Variants in ARHGAP4 observed in about 807,000 individuals in gnomAD.
The protein encoded by ARHGAP4 is Rho GTPase activating protein 4.
Under a neutral mutation model 67.6 loss-of-function variants are expected in ARHGAP4, and 25 were observed. That is an observed-to-expected ratio of 0.37 (90% CI 0.27 to 0.52). The LOEUF is 0.52. Ranked by LOEUF, ARHGAP4 falls within the 20% of genes least tolerant of loss-of-function variation. ARHGAP4 has a pLI of 0.92. For missense variants in ARHGAP4, 804 were observed against 854.6 expected (o/e 0.94, Z 0.74); for synonymous variants, 448 against 373.7 (o/e 1.20, Z -2.29).
At chrX:153,909,991 C>T (rs781831109) in intron 18 of ARHGAP4, 21 bp downstream of exon 18, 6 of 1,210,663 alleles carry the variant, frequency 5.0e-6, no homozygotes, top group East Asian at 3.0e-5. Context: ...CAGGGTGGGG[C>T]TCTCTGCCCA....
chrX:153,909,479 C>G lies in ARHGAP4; in HGVS notation c.2471G>C (p.Ser824Thr), dbSNP rs1557102170. 8.3e-7 allele frequency: 1 copy of G among 1,208,229 alleles called. No individual in the cohort carries two copies. The highest frequency in any genetic ancestry group is 1.7e-5 in the African/African-American group (1 of 57,490). The change falls in exon 20 of 22, where the codon AGT becomes ACT. Residue 824 changes from serine to threonine, a missense_variant. By Grantham distance (58) the Ser-to-Thr change is moderately conservative (BLOSUM62 1). Around this residue, in one of 2 missense-constraint regions of ARHGAP4, gnomAD observed 400 missense variants for 348.7 expected, o/e 1.15. Coordinates refer to ENST00000350060, the MANE Select transcript of ARHGAP4 (RefSeq NM_001666.5). The stretch of plus-strand genomic sequence containing the variant: ...CTCCGATGCCAGGAGGCCCTCGGGA[C>G]TGCTCCCAGACTCCCCTGCAGTCTG... The part of the protein sequence containing the change: ...GLQTAGESGS[S>T]PEGLLASELV...
intron 1 of ARHGAP4, among the ~76,000 whole-genome samples, chrX:153,925,715 G>A (rs1284850391): frequency 7.1e-5 from 8 of 111,902 alleles, no homozygotes; most frequent in Admixed American, 5.7e-4. Flanking sequence ...TGGGGTTACG[G>A]CCAGGTGATC....
At position 153,910,232 on chromosome X, in the gene ARHGAP4, T is replaced by G; in HGVS notation, c.2095A>C (p.Thr699Pro). 8.3e-7 allele frequency: 1 copy of G among 1,210,447 alleles called. No individual in the cohort carries two copies. The highest frequency in any genetic ancestry group is 1.1e-6 in the Non-Finnish European group (1 of 895,233). ...VQPDRVFPPL[T>P]SLPGPVYEKC... ...TCGTAGACGGGGCCAGGCAGCGAGGTCAGGGGCGGGAAGACCCGATCGGGC... is the reference window on the plus strand; with the variant it reads ...TCGTAGACGGGGCCAGGCAGCGAGGGCAGGGGCGGGAAGACCCGATCGGGC... The change falls in exon 17 of 22, where the codon ACC (threonine) becomes CCC (proline). Residue 699 changes from threonine (T) to proline (P), a missense_variant. Physicochemically the swap from Thr to Pro is conservative, Grantham distance 38 (BLOSUM62 -1). Around this residue, in one of 2 missense-constraint regions of ARHGAP4, gnomAD observed 400 missense variants for 348.7 expected, o/e 1.15. Coordinates refer to ENST00000350060, the MANE Select transcript of ARHGAP4 (RefSeq NM_001666.5).
At chrX:153,912,382 C>T (rs1208612907) in intron 12 of ARHGAP4, among the ~76,000 whole-genome samples, 1 of 111,738 alleles carries the variant, frequency 8.9e-6, no homozygotes, top group Non-Finnish European at 1.9e-5. Flanking sequence ...CCCCTTATTT[C>T]ACTGTCCAGG....
At chrX:153,922,907 C>T (rs1350121136) in intron 1 of ARHGAP4, among the ~76,000 whole-genome samples, 2 of 107,278 alleles carry the variant, frequency 1.9e-5, no homozygotes, top group African/African-American at 6.7e-5. Context: ...GTGATGGGTG[C>T]GGAGAAGATG....
Position 153,913,065 on chromosome X carries a change from G to T in ARHGAP4, c.1412-14C>A. On this transcript the variant is annotated splice_polypyrimidine_tract_variant and intron_variant, in intron 10 of 21. Coordinates refer to ENST00000350060, the MANE Select transcript of ARHGAP4 (RefSeq NM_001666.5). Reference sequence around the variant, plus strand: ...CCTCCTTGTCACCTGTGGGGTGGGAGAACATTGGTCTGCCTCTCGGGCCAG... The same window carrying T: ...CCTCCTTGTCACCTGTGGGGTGGGATAACATTGGTCTGCCTCTCGGGCCAG... 1 of 1,189,130 alleles carries T rather than the reference G, an allele frequency of 8.4e-7. No homozygotes were observed. Among genetic ancestry groups the T allele is most frequent in the Non-Finnish European group, 1.1e-6 (1 of 883,560 alleles).
chrX:153,917,238 A>G (rs2065061693), intron 7 of ARHGAP4, among the ~76,000 whole-genome samples: 1 of 108,962 alleles, frequency 9.2e-6, no homozygotes, highest in South Asian at 4.0e-4. Context: ...AATAAAATAA[A>G]TTAAATTTAA....
rs1280162411 is a variant in ARHGAP4 at position 153,910,166 on chromosome X, T to C, written c.2156+5A>G. On this transcript the variant is annotated splice_donor_5th_base_variant and intron_variant, in intron 17 of 21. Transcript: ENST00000350060. Reference sequence around the variant, plus strand: ...CCAGTCCCCTCGGCAGCACCAAGGGTGTACCCCAGGCAGCTGGCGGAAGGC... The same window carrying C: ...CCAGTCCCCTCGGCAGCACCAAGGGCGTACCCCAGGCAGCTGGCGGAAGGC... The C allele has an allele frequency of 6.6e-6, 8 of 1,209,939 alleles. No homozygotes were observed. Among genetic ancestry groups the C allele is most frequent in the Non-Finnish European group, 8.9e-6 (8 of 894,851 alleles).
chrX:153,909,193 G>A (rs782252861), intron 20 of ARHGAP4, 24 bp from the exon 21 acceptor site: 60 of 1,168,971 alleles, frequency 5.1e-5, no homozygotes, highest in Non-Finnish European at 6.7e-5. Context: ...AGGGAGCCTG[G>A]TGGGGGCCCT....
At chrX:153,909,256 CAAGGA>C in intron 20 of ARHGAP4, 87 bp from the exon 21 acceptor site, 2 of 964,215 alleles carry the variant, frequency 2.1e-6, no homozygotes, top group East Asian at 3.3e-5. Context: ...GGGGTGTGGC[CAAGGA>C]AAGGAGGCTG....
chrX:153,925,389 TG>T (rs782734907), intron 1 of ARHGAP4, among the ~76,000 whole-genome samples: 1 of 112,017 alleles, frequency 8.9e-6, no homozygotes, highest in Admixed American at 9.5e-5. Context: ...ATTGGTAAAA[TG>T]GAGTGATTGA....
At chrX:153,920,499 C>A in intron 5 of ARHGAP4, 127 bp downstream of exon 5, 1 of 775,788 alleles carries the variant, frequency 1.3e-6, no homozygotes, top group South Asian at 2.8e-5. Flanking sequence ...ATCCCTGGAA[C>A]CTGATGGCAC....
At chrX:153,917,999 C>T (rs1053139005) in intron 7 of ARHGAP4, among the ~76,000 whole-genome samples, 1 of 111,807 alleles carries the variant, frequency 8.9e-6, no homozygotes, top group Non-Finnish European at 1.9e-5. Flanking sequence ...GACGAGGTAG[C>T]GATCAACTCC....
At chrX:153,925,722 G>A (rs1477572651) in intron 1 of ARHGAP4, among the ~76,000 whole-genome samples, 1 of 111,859 alleles carries the variant, frequency 8.9e-6, no homozygotes, top group Non-Finnish European at 1.9e-5. Context: ...ACGGCCAGGT[G>A]ATCTCCACCA....
chrX:153,922,488 C>G, intron 1 of ARHGAP4: 1 of 716,693 alleles, frequency 1.4e-6, no homozygotes, highest in South Asian at 7.2e-5. Flanking sequence ...CATTCCCCCA[C>G]CCTGCAGAGA....
At chrX:153,913,073 G>C in intron 10 of ARHGAP4, 22 bp from the exon 11 acceptor site, 2 of 1,186,642 alleles carry the variant, frequency 1.7e-6, no homozygotes, top group Non-Finnish European at 2.3e-6. Flanking sequence ...GAGAACATTG[G>C]TCTGCCTCTC....
At chrX:153,919,335 T>C in intron 5 of ARHGAP4, 52 bp from the exon 6 acceptor site, 1 of 1,209,785 alleles carries the variant, frequency 8.3e-7, no homozygotes, top group African/African-American at 1.7e-5. Flanking sequence ...CCAGCCCCTA[T>C]CTCTAGCCTT....
rs557057926 is a variant in ARHGAP4 at position 153,917,768 on chromosome X, A to C, written c.1032+1064T>G. Among the ~76,000 whole-genome samples the C allele has an allele frequency of 1.5e-4, 17 of 112,305 alleles. No individual in the cohort carries two copies. The South Asian group carries it at 4.0e-3, about 27-fold the overall frequency. ...CCTGTTTCAAAAACAAAACACAACA[A>C]AACAAAACAAAGAATACAGACATTT... On this transcript the variant is annotated intron_variant, in intron 7 of 21. Coordinates refer to ENST00000350060, the MANE Select transcript of ARHGAP4 (RefSeq NM_001666.5).
chrX:153,917,991 C>T (rs1425302555), intron 7 of ARHGAP4, among the ~76,000 whole-genome samples: 1 of 111,635 alleles, frequency 9.0e-6, no homozygotes, highest in Non-Finnish European at 1.9e-5. Flanking sequence ...AGTGCTGGGA[C>T]GAGGTAGCGA....
Sources: allele counts gnomAD v4.1 joint callset (sites outside exome capture counted in the v4.1 genomes callset), GRCh38; gene constraint gnomAD v4.1.1; regional missense constraint gnomAD v4.1.1; transcripts MANE v1.5; gene names NCBI Gene and HGNC (gene_info 2026-07-23, HGNC 2026-07-21).